PRELID2: variants seen among roughly 807,000 people sequenced by gnomAD.
The protein encoded by PRELID2 is PRELI domain containing 2, also known as PRELI domain-containing protein 2.
A neutral mutation model predicts 28.4 loss-of-function variants in PRELID2; 25 were observed. The ratio of observed to expected loss-of-function variants is 0.88; its 90% CI spans 0.64 to 1.23. The LOEUF (loss-of-function observed/expected upper bound fraction) is 1.23. Ranked by LOEUF, PRELID2 falls within the 50% of genes most tolerant of loss-of-function variation. The pLI is 0.00. For missense variants in PRELID2, 201 were observed against 214.4 expected (o/e 0.94, Z 0.39); for synonymous variants, 76 against 71.6 (o/e 1.06, Z -0.31).
At chr5:145,418,519 G>T in the PRELID2 span, among the ~76,000 whole-genome samples, 2 of 151,978 alleles carry the variant, frequency 1.3e-5, no homozygotes, top group African/African-American at 4.8e-5. Context: ...AAAACAGCAT[G>T]GTATAAGAAC....
At chr5:145,530,248 A>C (rs1161609017) in intron 1 of PRELID2, among the ~76,000 whole-genome samples, 1 of 152,110 alleles carries the variant, frequency 6.6e-6, no homozygotes, top group Non-Finnish European at 1.5e-5. Flanking sequence ...TATTAACATA[A>C]AATTGTTTCA....
the PRELID2 span, among the ~76,000 whole-genome samples, chr5:145,358,961 AGCATAATTTATAAT>A: frequency 6.6e-6 from 1 of 152,196 alleles, no homozygotes; most frequent in Non-Finnish European, 1.5e-5. Flanking sequence ...ACTCAATCCA[AGCATAATTTATAAT>A]GAGGACTCTG....
the PRELID2 span, among the ~76,000 whole-genome samples, chr5:145,420,316 C>A: frequency 6.6e-6 from 1 of 152,044 alleles, no homozygotes; most frequent in African/African-American, 2.4e-5. Flanking sequence ...TGTAAATTCC[C>A]TTGGGCAGTA....
chr5:145,683,815 A>AG (rs1415734071), intron 1 of PRELID2, among the ~76,000 whole-genome samples: 6 of 152,298 alleles, frequency 3.9e-5, no homozygotes, highest in Admixed American at 2.0e-4. Flanking sequence ...CCAATCACAA[A>AG]GGGGGCTGCT....
chr5:145,542,691 T>A (rs1330866151), intron 1 of PRELID2, among the ~76,000 whole-genome samples: 1 of 152,146 alleles, frequency 6.6e-6, no homozygotes, highest in Non-Finnish European at 1.5e-5. Context: ...GTTTGGAAAC[T>A]ATTTTTGCTC....
intron 5 of PRELID2, among the ~76,000 whole-genome samples, chr5:145,766,788 C>T (rs1757788592): frequency 6.6e-6 from 1 of 152,062 alleles, no homozygotes; most frequent in Non-Finnish European, 1.5e-5. Flanking sequence ...TAACATAGAC[C>T]ACAGAGGTCA....
the PRELID2 span, among the ~76,000 whole-genome samples, chr5:145,394,643 A>G: frequency 2.0e-5 from 3 of 152,194 alleles, no homozygotes; most frequent in Admixed American, 1.3e-4. Flanking sequence ...AAATACTGGC[A>G]CTAGGAATGG....
At chr5:145,374,447 T>C in the PRELID2 span, among the ~76,000 whole-genome samples, 3 of 152,076 alleles carry the variant, frequency 2.0e-5, no homozygotes, top group Non-Finnish European at 2.9e-5. Flanking sequence ...TAGAATCTGA[T>C]AATTATGTGT....
the PRELID2 span, among the ~76,000 whole-genome samples, chr5:145,407,360 C>G: frequency 6.6e-6 from 1 of 152,064 alleles, no homozygotes; most frequent in Non-Finnish European, 1.5e-5. Context: ...CTGTGGCAAC[C>G]TATATGATGG....
intron 1 of PRELID2, among the ~76,000 whole-genome samples, chr5:145,565,777 T>C (rs1455827621): frequency 2.0e-5 from 3 of 152,232 alleles, no homozygotes; most frequent in Admixed American, 2.0e-4. Flanking sequence ...AGGCTCCTCA[T>C]GGTGGCGAGA....
At chr5:145,807,811 C>G (rs1249106103) in intron 4 of PRELID2, among the ~76,000 whole-genome samples, 1 of 152,102 alleles carries the variant, frequency 6.6e-6, no homozygotes, top group Non-Finnish European at 1.5e-5. Flanking sequence ...GATGAAGCAT[C>G]TTCTGGGAGC....
At chr5:145,271,097 G>A in the PRELID2 span, among the ~76,000 whole-genome samples, 17 of 151,974 alleles carry the variant, frequency 1.1e-4, no homozygotes, top group African/African-American at 1.9e-4. Context: ...TCACAAGAAC[G>A]TCATGGGGTA....
intron 5 of PRELID2, among the ~76,000 whole-genome samples, chr5:145,781,434 A>G (rs1751582467): frequency 6.6e-6 from 1 of 152,014 alleles, no homozygotes; most frequent in African/African-American, 2.4e-5. Context: ...TTAATTCAAC[A>G]CAAAGAGCCT....
At chr5:145,480,904 C>CGAATAGAAATGGAAATGTTTTAAAA in intron 1 of PRELID2, among the ~76,000 whole-genome samples, 2 of 152,046 alleles carry the variant, frequency 1.3e-5, no homozygotes, top group African/African-American at 4.8e-5. Flanking sequence ...GCGAGGTTAC[C>CGAATAGAAATGGAAATGTTTTAAAA]GAATAGAAAT....
chr5:145,344,819 G>A, the PRELID2 span, among the ~76,000 whole-genome samples: 1 of 151,940 alleles, frequency 6.6e-6, no homozygotes, highest in Non-Finnish European at 1.5e-5. Context: ...TATTTATTAA[G>A]CACTTATGTT....
At chr5:145,460,620 AC>A in the PRELID2 span, among the ~76,000 whole-genome samples, 9 of 152,182 alleles carry the variant, frequency 5.9e-5, no homozygotes, top group Non-Finnish European at 1.3e-4. Context: ...TGGGGCACCT[AC>A]CCTGTGCTAT....
At chr5:145,554,920 T>A (rs967594222) in intron 1 of PRELID2, among the ~76,000 whole-genome samples, 6 of 152,320 alleles carry the variant, frequency 3.9e-5, no homozygotes, top group Admixed American at 2.6e-4. Flanking sequence ...TTTAGGCAAT[T>A]CAAGCAATAT....
At chr5:145,435,493 A>G in the PRELID2 span, among the ~76,000 whole-genome samples, 2 of 152,154 alleles carry the variant, frequency 1.3e-5, no homozygotes, top group African/African-American at 4.8e-5. Context: ...AAGAAACAAC[A>G]CTTTCCACAG....
the PRELID2 span, among the ~76,000 whole-genome samples, chr5:145,326,516 T>G: frequency 1.3e-5 from 2 of 152,226 alleles, no homozygotes; most frequent in Non-Finnish European, 2.9e-5. Flanking sequence ...AGCCATTGTT[T>G]TGTCTCGTAT....
Sources: gnomAD v4.1 joint callset for allele counts (sites outside exome capture counted in the v4.1 genomes callset) on GRCh38, gnomAD v4.1.1 for gene constraint, MANE v1.5 for transcripts, NCBI Gene and HGNC (gene_info 2026-07-23, HGNC 2026-07-21) for gene names.